The following BAIAP2L1 variants were observed in gnomAD, a reference collection of about 807,000 sequenced individuals.
BAIAP2L1 encodes the protein BAR/IMD domain-containing adapter protein 2-like 1.
Under a neutral mutation model 66.3 loss-of-function variants are expected in BAIAP2L1, and 35 were observed. The ratio of observed to expected loss-of-function variants is 0.53; its 90% CI spans 0.40 to 0.70. The LOEUF is 0.70. Among genes scored for constraint, BAIAP2L1 ranks in the 30% least tolerant of loss-of-function variants. The pLI is 0.00. For missense variants in BAIAP2L1, 622 were observed against 656.9 expected, an observed-to-expected ratio of 0.95 and a Z score of 0.58; for synonymous variants, 269 against 248.7, an observed-to-expected ratio of 1.08 and a Z score of -0.77.
intron 12 of BAIAP2L1, among the ~76,000 whole-genome samples, chr7:98,302,702 T>C (rs757669): frequency 0.88 from 134,186 of 152,254 alleles, 59,401 homozygotes; most frequent in East Asian, 0.96. Flanking sequence ...GGGGGACCTG[T>C]AGCTAGAAAA....
Position 98,307,845 on chromosome 7 carries a change from A to G in BAIAP2L1, c.1007T>C (p.Leu336Pro). 1.2e-6 allele frequency: 2 copies of G among 1,614,228 alleles called. No homozygotes were observed. Among genetic ancestry groups the G allele is most frequent in the Non-Finnish European group, 1.7e-6 (2 of 1,180,030 alleles). Residue 336 changes from leucine to proline, a missense_variant, in exon 10 of 14, where the codon CTG becomes CCG. Physicochemically the swap from Leu to Pro is moderately conservative, Grantham distance 98. Coordinates refer to ENST00000005260, the MANE Select transcript of BAIAP2L1 (RefSeq NM_018842.5). ...LQRSVSVATG[L>P]NMMKKQKVKT... is the part of the protein sequence containing the mutation. Reference sequence around the variant, plus strand: ...CACTTTCTGCTTCTTCATCATGTTCAGTCCCGTTGCAACCGAAACTGATCG... The same window carrying G: ...CACTTTCTGCTTCTTCATCATGTTCGGTCCCGTTGCAACCGAAACTGATCG...
chr7:98,316,297 G>A (rs769906373), intron 6 of BAIAP2L1, among the ~76,000 whole-genome samples: 7 of 152,114 alleles, frequency 4.6e-5, no homozygotes, highest in Admixed American at 1.3e-4. Flanking sequence ...GCCCAGTCTC[G>A]GGGTATGTCT....
chr7:98,306,712 A>G, intron 10 of BAIAP2L1, 196 bp from the exon 11 acceptor site: 1 of 786,600 alleles, frequency 1.3e-6, no homozygotes, highest in Admixed American at 3.1e-5. Context: ...ATTGTTAACA[A>G]TTTTTTTTTA....
intron 1 of BAIAP2L1, among the ~76,000 whole-genome samples, chr7:98,387,703 GAA>G (rs3062634): frequency 2.5e-4 from 37 of 145,390 alleles, no homozygotes; most frequent in Non-Finnish European, 2.7e-4. Context: ...GTCTCTACAA[GAA>G]AAAAAAAAAA....
chr7:98,386,599 A>C (rs1182071325), intron 1 of BAIAP2L1: 28 of 1,592,248 alleles, frequency 1.8e-5, no homozygotes, highest in South Asian at 2.2e-5. Flanking sequence ...CTGGTCAGAG[A>C]GCCAAAAGCA....
At chr7:98,373,324 T>C (rs779629035) in intron 1 of BAIAP2L1, among the ~76,000 whole-genome samples, 8 of 152,210 alleles carry the variant, frequency 5.3e-5, no homozygotes, top group Admixed American at 1.3e-4. Flanking sequence ...GAAATACTCA[T>C]TGAAATATAT....
chr7:98,292,735 G>T lies in BAIAP2L1; in HGVS notation c.*786C>A. 6.4e-7 allele frequency: 1 copy of T among 1,551,494 alleles called. No individual in the cohort carries two copies. Among genetic ancestry groups the T allele is most frequent in the Non-Finnish European group, 8.7e-7 (1 of 1,146,872 alleles). ...GGACCCCGAGCAGTTTGAGTGTACT[G>T]GTAATGGATGCAGCTTTGGCCAACT... On this transcript the variant is annotated 3_prime_UTR_variant, in exon 14 of 14. Transcript: ENST00000005260.
chr7:98,331,052 A>G (rs2115584261), intron 3 of BAIAP2L1, among the ~76,000 whole-genome samples: 1 of 152,360 alleles, frequency 6.6e-6, no homozygotes, highest in African/African-American at 2.4e-5. Context: ...AGATTCAAAA[A>G]GAAATACTAG....
At position 98,292,533 on chromosome 7, in the gene BAIAP2L1, CAGCCCCGGGCTCAGGGCAGCCAG is replaced by C; in HGVS notation, c.*965_*987del. On this transcript the variant is annotated 3_prime_UTR_variant, in exon 14 of 14. Coordinates refer to ENST00000005260, the MANE Select transcript of BAIAP2L1 (RefSeq NM_018842.5). ...ATCCTTGGCAGCCAAAGATGATTTC[CAGCCCCGGGCTCAGGGCAGCCAG>C]TGCGTAGTCCTCACATCCATACCAT... The C allele has an allele frequency of 9.0e-7, 1 of 1,111,226 alleles. No individual in the cohort carries two copies. The highest frequency in any genetic ancestry group is 1.3e-6 in the Non-Finnish European group (1 of 759,036). The allele number at this position is 1,111,226 out of a possible 1,614,324, so 68.8% of individuals were successfully genotyped here.
rs560333427 is a variant in BAIAP2L1, at chr7:98,343,946, C to G, written c.214+11096G>C. ...CTGTAATCCCAGCACTTTGGGAGGC[C>G]GAGGCGGACGGATCATGAGGTCAAG... On this transcript the variant is annotated intron_variant, in intron 3 of 13. Transcript: ENST00000005260. Among the ~76,000 whole-genome samples the G allele has an allele frequency of 3.9e-5, 6 of 152,214 alleles. No individual in the cohort carries two copies. The East Asian group carries it at 1.2e-3, about 29-fold the overall frequency.
intron 1 of BAIAP2L1, among the ~76,000 whole-genome samples, chr7:98,391,581 G>A (rs1005619367): frequency 1.3e-5 from 2 of 151,860 alleles, no homozygotes; most frequent in African/African-American, 2.4e-5. Flanking sequence ...GCATGGTGGC[G>A]GGCACCTGTA....
chr7:98,364,412 T>C (rs1191512409), intron 1 of BAIAP2L1, among the ~76,000 whole-genome samples: 2 of 151,994 alleles, frequency 1.3e-5, no homozygotes, highest in Non-Finnish European at 2.9e-5. Flanking sequence ...CTTGACTTCC[T>C]CTAAGGACTC....
chr7:98,298,009 C>T (rs116361659), intron 12 of BAIAP2L1, among the ~76,000 whole-genome samples: 338 of 150,094 alleles, frequency 2.3e-3, no homozygotes, highest in African/African-American at 8.1e-3. Context: ...GGCAGGAGGA[C>T]TGCCTGAGGT....
At chr7:98,378,946 C>T (rs1382301762) in intron 1 of BAIAP2L1, among the ~76,000 whole-genome samples, 1 of 152,160 alleles carries the variant, frequency 6.6e-6, no homozygotes, top group African/African-American at 2.4e-5. Flanking sequence ...TCTGCTGCCT[C>T]AGCTTCCCGA....
At chr7:98,396,928 T>C (rs1299962424) in intron 1 of BAIAP2L1, among the ~76,000 whole-genome samples, 3 of 152,226 alleles carry the variant, frequency 2.0e-5, no homozygotes, top group East Asian at 1.9e-4. Flanking sequence ...GCTTCACACA[T>C]TAAATGGATA....
chr7:98,329,929 A>T (rs1358408308), intron 3 of BAIAP2L1, among the ~76,000 whole-genome samples: 3 of 152,196 alleles, frequency 2.0e-5, no homozygotes. Context: ...ATTTAGAAGA[A>T]TTTTCTTGGG....
At chr7:98,389,837 G>T (rs1013796061) in intron 1 of BAIAP2L1, among the ~76,000 whole-genome samples, 1 of 151,878 alleles carries the variant, frequency 6.6e-6, no homozygotes, top group African/African-American at 2.4e-5. Context: ...CTTTTAAAAG[G>T]CAGTTTTAAG....
intron 12 of BAIAP2L1, among the ~76,000 whole-genome samples, chr7:98,295,995 C>T (rs1394542054): frequency 6.6e-6 from 1 of 152,206 alleles, no homozygotes; most frequent in Non-Finnish European, 1.5e-5. Context: ...AAGCAGGGCA[C>T]ACACCCATGG....
At chr7:98,299,895 G>C (rs1279025579) in intron 12 of BAIAP2L1, among the ~76,000 whole-genome samples, 1 of 152,082 alleles carries the variant, frequency 6.6e-6, no homozygotes, top group Non-Finnish European at 1.5e-5. Context: ...ACAAAAATTA[G>C]CTGGGTGTGG....
Sources: gnomAD v4.1 joint callset for allele counts (sites outside exome capture counted in the v4.1 genomes callset) on GRCh38, gnomAD v4.1.1 for gene constraint, MANE v1.5 for transcripts, NCBI Gene and HGNC (gene_info 2026-07-23, HGNC 2026-07-21) for gene names.